PRKD3: variants seen among roughly 807,000 people sequenced by gnomAD.
The protein encoded by PRKD3 is protein kinase D3, also known as serine/threonine-protein kinase D3.
Under a neutral mutation model 99.2 loss-of-function variants are expected in PRKD3, and 47 were observed. That is an observed-to-expected ratio of 0.47 (90% CI 0.38 to 0.60). The LOEUF (loss-of-function observed/expected upper bound fraction) is 0.60. PRKD3 is among the 20% of genes least tolerant of loss of function. The pLI is 0.00. For missense variants in PRKD3, 1,019 were observed against 1,088.4 expected (o/e 0.94, Z 0.90); for synonymous variants, 392 against 355.4 (o/e 1.10, Z -1.16).
chr2:37,257,931 G>T (rs1006756266), intron 16 of PRKD3, among the ~76,000 whole-genome samples: 1 of 152,038 alleles, frequency 6.6e-6, no homozygotes, highest in African/African-American at 2.4e-5. Flanking sequence ...TATGTAAAGG[G>T]AGCCATAGTC....
intron 1 of PRKD3, among the ~76,000 whole-genome samples, chr2:37,320,932 A>G (rs537850306): frequency 3.3e-5 from 5 of 152,340 alleles, no homozygotes; most frequent in African/African-American, 9.6e-5. Flanking sequence ...AAGAGCTGTC[A>G]GATTTCTGCC....
At chr2:37,283,905 A>G (rs1467887381) in intron 6 of PRKD3, among the ~76,000 whole-genome samples, 6 of 151,598 alleles carry the variant, frequency 4.0e-5, no homozygotes, top group Non-Finnish European at 7.4e-5. Context: ...TGTCTCAAAA[A>G]AAAAAAAAAA....
chr2:37,291,636 T>C (rs530919456), intron 3 of PRKD3, among the ~76,000 whole-genome samples: 11 of 152,114 alleles, frequency 7.2e-5, no homozygotes, highest in East Asian at 5.8e-4. Flanking sequence ...AGGGCAAGGA[T>C]TGGGAAATAT....
chr2:37,254,697 T>C (rs963245405), intron 17 of PRKD3, among the ~76,000 whole-genome samples: 3 of 152,194 alleles, frequency 2.0e-5, no homozygotes, highest in African/African-American at 7.2e-5. Flanking sequence ...TTAACTATTA[T>C]TATTTGAAGA....
chr2:37,301,536 C>A (rs913428688), intron 2 of PRKD3, among the ~76,000 whole-genome samples: 2 of 151,930 alleles, frequency 1.3e-5, no homozygotes, highest in African/African-American at 4.8e-5. Context: ...TGGGCTCAAG[C>A]AATCCTTTAG....
intron 2 of PRKD3, among the ~76,000 whole-genome samples, chr2:37,297,592 TTATGTC>T (rs1670730276): frequency 6.6e-6 from 1 of 152,224 alleles, no homozygotes. Context: ...CCTTTAACTG[TTATGTC>T]CCCATAGGCC....
At chr2:37,314,652 A>C (rs953215240) in intron 2 of PRKD3, among the ~76,000 whole-genome samples, 4 of 151,968 alleles carry the variant, frequency 2.6e-5, no homozygotes, top group Admixed American at 6.6e-5. Flanking sequence ...AAATAAGTAA[A>C]TGAAATTTCC....
Position 37,293,128 on chromosome 2 carries a change from C to G in PRKD3, c.427+5G>C, listed in dbSNP as rs1372631432. 1.3e-6 allele frequency: 2 copies of G among 1,556,546 alleles called. No homozygotes were observed. The highest frequency in any genetic ancestry group is 1.7e-5 in the Admixed American group (1 of 59,330). Reference sequence around the variant, plus strand: ...GGCAATCACTCTAAAAAGCCACTTACTTACCTGAAAGAACCACTTCCACTA... The same window carrying G: ...GGCAATCACTCTAAAAAGCCACTTAGTTACCTGAAAGAACCACTTCCACTA... On this transcript the variant is annotated splice_donor_5th_base_variant and intron_variant, in intron 3 of 18. Coordinates refer to ENST00000234179, the MANE Select transcript of PRKD3 (RefSeq NM_005813.6).
At position 37,256,652 on chromosome 2, in the gene PRKD3, T is replaced by TACC; in HGVS notation, c.2413+9_2413+10insGGT. ...AATTTTTTTTTTTTTTTTTTTTTTTTTTTTTTTACCTTCACCAGAAATTTC... is the reference window on the plus strand; with the variant it reads ...AATTTTTTTTTTTTTTTTTTTTTTTTACCTTTTTTTACCTTCACCAGAAATTTC... On this transcript the variant is annotated intron_variant, in intron 17 of 18. Coordinates refer to ENST00000234179, the MANE Select transcript of PRKD3 (RefSeq NM_005813.6). 7.1e-7 allele frequency: 1 copy of TACC among 1,406,458 alleles called. No individual in the cohort carries two copies. Among genetic ancestry groups the TACC allele is most frequent in the Non-Finnish European group, 9.2e-7 (1 of 1,082,102 alleles). The allele number at this position is 1,406,458 out of a possible 1,614,324, so 87.1% of individuals were successfully genotyped here.
chr2:37,278,200 T>C, intron 8 of PRKD3: 1 of 280,026 alleles, frequency 3.6e-6, no homozygotes. Context: ...TATTTACTTG[T>C]CATGAATGTT....
At chr2:37,269,495 C>G in intron 13 of PRKD3, 120 bp downstream of exon 13, 1 of 781,988 alleles carries the variant, frequency 1.3e-6, no homozygotes, top group Admixed American at 2.1e-5. Context: ...GATAACAAGT[C>G]AGCCTTTAAA....
chr2:37,306,578 G>A (rs1363428329), intron 2 of PRKD3, among the ~76,000 whole-genome samples: 2 of 152,190 alleles, frequency 1.3e-5, no homozygotes, highest in South Asian at 4.1e-4. Flanking sequence ...GGAAGCCAAG[G>A]TGGAGGGAAC....
In PRKD3 at chr2:37,316,316, C is replaced by T. The variant is rs773986089; in HGVS notation, c.209G>A (p.Arg70Gln). 2 of 1,614,120 alleles carry T rather than the reference C, an allele frequency of 1.2e-6. No homozygotes were observed. The highest frequency in any genetic ancestry group is 2.2e-5 in the East Asian group (1 of 44,900). The change falls in exon 2 of 19, where the codon CGG (arginine) becomes CAG (glutamine). Residue 70 changes from arginine (R) to glutamine (Q), a missense_variant. Arg to Gln is a conservative substitution (Grantham distance 43, BLOSUM62 1). Transcript: ENST00000234179. ...CTGGGCTTCAATGGTAACACTCTCC[C>T]GTGTGAGGCCAATTTGCAGTAGAAA... ...VSFLLQIGLT[R>Q]ESVTIEAQEL...
intron 1 of PRKD3, chr2:37,317,970 A>G (rs1396959470): frequency 1.3e-5 from 2 of 151,706 alleles, no homozygotes; most frequent in African/African-American, 2.4e-5. Flanking sequence ...CACAGGTCAA[A>G]AAGTTAAAAA....
intron 1 of PRKD3, among the ~76,000 whole-genome samples, chr2:37,318,541 C>CTAAG (rs1299360294): frequency 1.3e-5 from 2 of 152,196 alleles, no homozygotes; most frequent in East Asian, 3.8e-4. Context: ...GAACAAGGAA[C>CTAAG]TAAGAATCAC....
In PRKD3 at chr2:37,289,920, C is replaced by T. The variant is rs539459514; in HGVS notation, c.560-407G>A. On this transcript the variant is annotated intron_variant, in intron 4 of 18. Transcript: ENST00000234179. ...CAAACTATGGCCTCTGTACCAAATT[C>T]CTCCTGTGACATGAAAATTTTATGA... Among the ~76,000 whole-genome samples the T allele has an allele frequency of 7.2e-5, 11 of 152,296 alleles. No individual in the cohort carries two copies. In the South Asian group the frequency reaches 1.9e-3, roughly 26 times the overall value.
chr2:37,314,322 GTCCAC>G (rs1375505259), intron 2 of PRKD3, among the ~76,000 whole-genome samples: 3 of 152,080 alleles, frequency 2.0e-5, no homozygotes, highest in Non-Finnish European at 2.9e-5. Context: ...ATGCTGCTAT[GTCCAC>G]AATCAATAAC....
intron 2 of PRKD3, among the ~76,000 whole-genome samples, chr2:37,312,748 A>G (rs958034430): frequency 6.6e-6 from 1 of 152,224 alleles, no homozygotes; most frequent in African/African-American, 2.4e-5. Flanking sequence ...TGAATCAACT[A>G]TATATATTAA....
intron 6 of PRKD3, 73 bp from the exon 7 acceptor site, chr2:37,282,692 A>G (rs1225179754): frequency 7.8e-6 from 8 of 1,025,468 alleles, no homozygotes; most frequent in Non-Finnish European, 1.1e-5. Context: ...GACTTTCTTT[A>G]AATCACTCAC....
Sources: gnomAD v4.1 joint callset for allele counts (sites outside exome capture counted in the v4.1 genomes callset) on GRCh38, gnomAD v4.1.1 for gene constraint, MANE v1.5 for transcripts, NCBI Gene and HGNC (gene_info 2026-07-23, HGNC 2026-07-21) for gene names.